TEX9: variants seen among roughly 807,000 people sequenced by gnomAD.
The protein encoded by TEX9 is testis-expressed protein 9.
Under a neutral mutation model 59.6 loss-of-function variants are expected in TEX9, and 74 were observed. That is an observed-to-expected ratio of 1.24 (90% CI 1.03 to 1.51). The LOEUF (loss-of-function observed/expected upper bound fraction) is 1.51. Among genes scored for constraint, TEX9 ranks in the 40% most tolerant of loss-of-function variants. TEX9 has a pLI of 0.00. For missense variants in TEX9, 522 were observed against 447.8 expected (o/e 1.17, Z -1.49); for synonymous variants, 186 against 152.2 (o/e 1.22, Z -1.64).
upstream of TEX9, among the ~76,000 whole-genome samples, chr15:56,363,759 T>G (rs1384905405): frequency 6.6e-6 from 1 of 151,846 alleles, no homozygotes; most frequent in Non-Finnish European, 1.5e-5. Flanking sequence ...TTGATCTCCC[T>G]GGCTCAAGTG....
intron 1 of TEX9, among the ~76,000 whole-genome samples, chr15:56,339,402 A>AC (rs1567091390): frequency 5.4e-4 from 43 of 79,586 alleles, no homozygotes; most frequent in Admixed American, 1.6e-3. Flanking sequence ...AAAAAAAAAA[A>AC]AAAAAAAAAA....
intron 1 of TEX9, among the ~76,000 whole-genome samples, chr15:56,273,840 G>T (rs1171791745): frequency 6.6e-6 from 1 of 151,902 alleles, no homozygotes; most frequent in Non-Finnish European, 1.5e-5. Context: ...GTCTTTTTAC[G>T]TCTGGTTGTC....
At chr15:56,291,204 G>T (rs554492285) in intron 1 of TEX9, among the ~76,000 whole-genome samples, 33 of 152,318 alleles carry the variant, frequency 2.2e-4, no homozygotes, top group African/African-American at 7.9e-4. Context: ...ATACATATGT[G>T]AAAGATCTAG....
At chr15:56,349,545 A>T (rs770882644) in intron 1 of TEX9, among the ~76,000 whole-genome samples, 2 of 152,084 alleles carry the variant, frequency 1.3e-5, no homozygotes, top group Admixed American at 6.6e-5. Context: ...TGTTGTACCA[A>T]ATGCAGCGTT....
intron 1 of TEX9, among the ~76,000 whole-genome samples, chr15:56,266,638 G>A (rs534648231): frequency 8.6e-4 from 131 of 152,098 alleles, no homozygotes; most frequent in African/African-American, 2.9e-3. Context: ...CATCCATGTC[G>A]CTACAAAGGA....
intron 12 of TEX9, among the ~76,000 whole-genome samples, chr15:56,435,126 G>T (rs1182227783): frequency 6.6e-6 from 1 of 152,034 alleles, no homozygotes; most frequent in Non-Finnish European, 1.5e-5. Flanking sequence ...AGCAAAATTT[G>T]TGAGATGCTG....
intron 10 of TEX9, among the ~76,000 whole-genome samples, chr15:56,416,133 C>G (rs1378912370): frequency 1.3e-5 from 2 of 151,834 alleles, no homozygotes; most frequent in Admixed American, 1.3e-4. Context: ...TGGGACAAGA[C>G]TATGGGGTCT....
intron 9 of TEX9, among the ~76,000 whole-genome samples, chr15:56,406,129 A>C (rs1422861397): frequency 6.6e-6 from 1 of 152,192 alleles, no homozygotes; most frequent in Non-Finnish European, 1.5e-5. Context: ...TAACTATGGC[A>C]CCAGGCAGCC....
At chr15:56,426,882 A>G (rs2050309078) in intron 10 of TEX9, among the ~76,000 whole-genome samples, 1 of 151,666 alleles carries the variant, frequency 6.6e-6, no homozygotes, top group Non-Finnish European at 1.5e-5. Context: ...CAAGATTACA[A>G]ACTTGGTCTC....
chr15:56,368,137 T>G (rs2047029385), intron 2 of TEX9, among the ~76,000 whole-genome samples: 1 of 152,148 alleles, frequency 6.6e-6, no homozygotes, highest in Non-Finnish European at 1.5e-5. Context: ...TGGTAGATTC[T>G]TTTTATTATG....
In TEX9 at chr15:56,316,106, G is replaced by A. The variant is rs370135766; in HGVS notation, c.-106-57335G>A. On this transcript the variant is annotated intron_variant, in intron 1 of 5. Coordinates refer to the TEX9 transcript ENST00000560827. Reference sequence around the variant, plus strand: ...TTGCCTTTGGTTTGAATATCCTCCCGTAGCTCAGAGTAATTTGATCGTCTG... The same window carrying A: ...TTGCCTTTGGTTTGAATATCCTCCCATAGCTCAGAGTAATTTGATCGTCTG... Among the ~76,000 whole-genome samples the A allele has an allele frequency of 2.5e-4, 37 of 146,642 alleles. 2 individuals are homozygous for A. In the East Asian group the frequency reaches 3.4e-3, roughly 13 times the overall value.
chr15:56,300,532 C>A (rs2045320191), intron 1 of TEX9, among the ~76,000 whole-genome samples: 1 of 151,166 alleles, frequency 6.6e-6, no homozygotes, highest in Non-Finnish European at 1.5e-5. Flanking sequence ...AGCCCTTGGA[C>A]CTTGAGGGAA....
chr15:56,457,640 A>G, the TEX9 span, among the ~76,000 whole-genome samples: 4 of 152,084 alleles, frequency 2.6e-5, no homozygotes, highest in South Asian at 6.2e-4. Flanking sequence ...TGGGCAACAT[A>G]GAGAGGTGCT....
intron 1 of TEX9, among the ~76,000 whole-genome samples, chr15:56,282,990 G>A (rs531555768): frequency 6.6e-6 from 1 of 152,044 alleles, no homozygotes; most frequent in Admixed American, 6.6e-5. Flanking sequence ...GATCCAATTT[G>A]TGAAAATAGA....
chr15:56,332,815 A>G (rs1481272879), intron 1 of TEX9, among the ~76,000 whole-genome samples: 3 of 152,180 alleles, frequency 2.0e-5, no homozygotes, highest in Non-Finnish European at 2.9e-5. Flanking sequence ...TAAATAAATA[A>G]AATCAGAGGT....
the TEX9 span, among the ~76,000 whole-genome samples, chr15:56,454,541 T>C: frequency 6.6e-6 from 1 of 152,168 alleles, no homozygotes; most frequent in Non-Finnish European, 1.5e-5. Context: ...TACTGTTGTC[T>C]CTTTGGAGAT....
intron 7 of TEX9, among the ~76,000 whole-genome samples, chr15:56,391,848 A>G (rs2048227782): frequency 2.0e-5 from 3 of 152,196 alleles, no homozygotes; most frequent in South Asian, 2.1e-4. Flanking sequence ...AAATCAACAC[A>G]TGCAAAAGGA....
chr15:56,394,574 G>A (rs2048365205), intron 8 of TEX9, 87 bp from the exon 9 acceptor site: 1 of 980,432 alleles, frequency 1.0e-6, no homozygotes, highest in African/African-American at 1.7e-5. Context: ...AAATATCAAA[G>A]AACATATGAA....
chr15:56,435,215 G>A (rs2050700482), intron 12 of TEX9, among the ~76,000 whole-genome samples: 2 of 151,978 alleles, frequency 1.3e-5, no homozygotes, highest in African/African-American at 4.8e-5. Context: ...CTAAATGCAT[G>A]TATGTAGGAA....
Sources: allele counts gnomAD v4.1 joint callset (sites outside exome capture counted in the v4.1 genomes callset), GRCh38; gene constraint gnomAD v4.1.1; transcripts MANE v1.5; gene names NCBI Gene and HGNC (gene_info 2026-07-23, HGNC 2026-07-21).